Variants in CYBA observed in about 807,000 individuals in gnomAD.
CYBA encodes cytochrome b-245 alpha chain.
In CYBA, 21 loss-of-function variants were observed where a neutral mutation model predicts 20.8. The observed-to-expected ratio is 1.01, with a 90% CI of 0.72 to 1.46. The LOEUF is 1.46. Ranked by LOEUF, CYBA falls within the 40% of genes most tolerant of loss-of-function variation. CYBA has a pLI of 0.00. For missense variants in CYBA, 344 were observed against 287.0 expected, an observed-to-expected ratio of 1.20 and a Z score of -1.43; for synonymous variants, 164 against 127.5, an observed-to-expected ratio of 1.29 and a Z score of -1.93.
At chr16:88,647,039 C>G in intron 3 of CYBA, 62 bp downstream of exon 3, 2 of 1,487,062 alleles carry the variant, frequency 1.3e-6, no homozygotes, top group Non-Finnish European at 1.8e-6. Flanking sequence ...TCCACCCAAC[C>G]CTGTGAGCCC....
In CYBA at chr16:88,647,996, C is replaced by CT. The variant is rs1555541548; in HGVS notation, c.128+48dup. 3 of 1,557,174 alleles carry CT rather than the reference C, an allele frequency of 1.9e-6. No individual in the cohort carries two copies. The African/African-American group carries it at 4.1e-5, about 21-fold the overall frequency. On this transcript the variant is annotated intron_variant, in intron 2 of 5. Coordinates refer to ENST00000261623, the MANE Select transcript of CYBA (RefSeq NM_000101.4). ...AGCTCACTGTGAAGTGGCTCCCCAG[C>CT]TCTGCCCTGGGCGTTCCCCGCCCAC...
Position 88,643,619 on chromosome 16 carries a change from T to TCCCTCCCTCCCC in CYBA, c.370-49_370-48insGGGGAGGGAGGG. ...GCCGCGCCCCAGCGCCCGCCCTCCC[T>TCCCTCCCTCCCC]CCCTCCCTCCCTCCCCGGAGGCCCA... On this transcript the variant is annotated intron_variant, in intron 5 of 5. Coordinates refer to ENST00000261623, the MANE Select transcript of CYBA (RefSeq NM_000101.4). This position sits in a 1 kb window ranked among gnomAD's most constrained non-coding sequence, Gnocchi z 4.3. 1 of 1,068,362 alleles carries TCCCTCCCTCCCC rather than the reference T, an allele frequency of 9.4e-7. No homozygotes were observed. Among genetic ancestry groups the TCCCTCCCTCCCC allele is most frequent in the Non-Finnish European group, 1.1e-6 (1 of 876,780 alleles). 66.2% of individuals were successfully genotyped at this position (1,068,362 alleles called of 1,614,324 possible).
chr16:88,646,801 C>G lies in CYBA; in HGVS notation c.241G>C (p.Gly81Arg), dbSNP rs754773481. The change falls in exon 4 of 6, where the codon GGG becomes CGG. Residue 81 changes from glycine (G) to arginine (R), a missense_variant. Coordinates refer to ENST00000261623, the MANE Select transcript of CYBA (RefSeq NM_000101.4). ...ACATAGTAATTCCTGGTAAAGGGCC[C>G]GAACAGCTTCACCACGGCGGTCATG... The part of the protein sequence containing the change: ...KYMTAVVKLF[G>R]PFTRNYYVRA... 1.2e-5 allele frequency: 20 copies of G among 1,613,840 alleles called. No homozygotes were observed. Among genetic ancestry groups the G allele is most frequent in the Middle Eastern group, 3.3e-4 (2 of 6,084 alleles).
At position 88,643,561 on chromosome 16, in the gene CYBA, C is replaced by A. The variant is rs755779683; in HGVS notation, c.380G>T (p.Arg127Leu). The A allele has an allele frequency of 2.6e-6, 4 of 1,533,086 alleles. No individual in the cohort carries two copies. The highest frequency in any genetic ancestry group is 3.5e-6 in the Non-Finnish European group (4 of 1,145,812). 95.0% of individuals were successfully genotyped at this position (1,533,086 alleles called of 1,614,324 possible). ...ASGIYLLAAV[R>L]GEQWTPIEPK... ...CTCGATGGGCGTCCACTGCTCGCCA[C>A]GCACAGCCGCCTGCGGGGCACTGAA... Residue 127 changes from arginine to leucine, a missense_variant, in exon 6 of 6, where the codon CGT (arginine) becomes CTT (leucine). By Grantham distance (102) the Arg-to-Leu change is moderately radical (BLOSUM62 -2). Transcript: ENST00000261623. This position sits in a 1 kb window ranked among gnomAD's most constrained non-coding sequence, Gnocchi z 4.3.
intron 4 of CYBA, 29 bp from the exon 5 acceptor site, chr16:88,646,226 C>G: frequency 8.3e-7 from 1 of 1,209,248 alleles, no homozygotes. Flanking sequence ...GAGGCAGGGA[C>G]ACAGAAGGGC....
chr16:88,649,115 T>A (rs1907406299), intron 1 of CYBA, among the ~76,000 whole-genome samples: 1 of 151,536 alleles, frequency 6.6e-6, no homozygotes, highest in Non-Finnish European at 1.5e-5. Context: ...TTTTTTGTAT[T>A]TTTAGTAGAG....
At chr16:88,647,466 G>A (rs1414253208) in intron 2 of CYBA, among the ~76,000 whole-genome samples, 2 of 152,236 alleles carry the variant, frequency 1.3e-5, no homozygotes, top group Non-Finnish European at 2.9e-5. Flanking sequence ...CTGAGCCCAG[G>A]TGGAGGCTGC....
At chr16:88,646,542 G>A (rs1250899235) in intron 4 of CYBA, 2 of 701,616 alleles carry the variant, frequency 2.9e-6, no homozygotes, top group South Asian at 3.0e-5. Context: ...CGACGGATCG[G>A]AGCTCCTCGG....
At chr16:88,644,263 A>G (rs927402656) in intron 5 of CYBA, among the ~76,000 whole-genome samples, 1 of 152,244 alleles carries the variant, frequency 6.6e-6, no homozygotes, top group Non-Finnish European at 1.5e-5. Flanking sequence ...TCCAAAACGG[A>G]AACATTCCAT....
intron 4 of CYBA, 134 bp from the exon 5 acceptor site, chr16:88,646,331 G>A (rs72558342): frequency 1.5e-5 from 10 of 685,722 alleles, no homozygotes; most frequent in Middle Eastern, 5.3e-4. Flanking sequence ...TGCGCGGACC[G>A]GGGCTTGTTT....
rs1597370593 is a variant in CYBA, at chr16:88,643,437, G to T, written c.504C>A (p.Ser168Arg). The change falls in exon 6 of 6, where the codon AGC becomes AGA. Residue 168 changes from serine (S) to arginine (R), a missense_variant. By Grantham distance (110) the Ser-to-Arg change is moderately radical. Coordinates refer to ENST00000261623, the MANE Select transcript of CYBA (RefSeq NM_000101.4). The surrounding 1 kb of genome is among the most constrained non-coding windows in gnomAD (Gnocchi z 4.3). ...CCGCCGCCACCGCAGCCTCCTCCTC[G>T]CTGGGCTTCTTGCGGGCCTCGGCCG... ...RPPAEARKKPSEEEAAVAAGG... is the reference protein window; with the variant it reads ...RPPAEARKKPREEEAAVAAGG... 1 of 1,535,516 alleles carries T rather than the reference G, an allele frequency of 6.5e-7. No homozygotes were observed. Among genetic ancestry groups the T allele is most frequent in the Admixed American group, 2.0e-5 (1 of 50,652 alleles).
chr16:88,648,095 G>A lies in CYBA; in HGVS notation c.78C>T (p.Ile26=), dbSNP rs759139349. The A allele has an allele frequency of 9.9e-6, 16 of 1,612,646 alleles. No homozygotes were observed. In the Admixed American group the frequency reaches 2.0e-4, roughly 20 times the overall value. ...ASGLILITGG[I]VATAGRFTQW... is the part of the protein sequence containing the mutation. ...GGGTGAAGCGCCCAGCTGTGGCCAC[G>A]ATGCCCCCGGTGATGAGGACTGCGG... Residue 26 remains isoleucine (I), a synonymous_variant, in exon 2 of 6, where the codon ATC becomes ATT. Transcript: ENST00000261623.
chr16:88,649,046 T>C (rs1206465308), intron 1 of CYBA, among the ~76,000 whole-genome samples: 2 of 151,412 alleles, frequency 1.3e-5, no homozygotes, highest in Non-Finnish European at 2.9e-5. Context: ...GAAGCGATTC[T>C]CCTGCCTCAG....
At position 88,648,069 on chromosome 16, in the gene CYBA, T is replaced by G; in HGVS notation, c.104A>C (p.Gln35Pro). 6.2e-7 allele frequency: 1 copy of G among 1,613,110 alleles called. No homozygotes were observed. Residue 35 changes from glutamine to proline, a missense_variant, in exon 2 of 6, where the codon CAG (glutamine) becomes CCG (proline). Gln to Pro is a moderately conservative substitution (Grantham distance 76). Coordinates refer to ENST00000261623, the MANE Select transcript of CYBA (RefSeq NM_000101.4). ...GIVATAGRFTQWYFGAYSIVA... is the reference protein window; with the variant it reads ...GIVATAGRFTPWYFGAYSIVA... ...CATGGAGTAGGCACCAAAGTACCAC[T>G]GGGTGAAGCGCCCAGCTGTGGCCAC... is the stretch of plus-strand genomic sequence containing the variant.
At chr16:88,645,586 C>T in intron 5 of CYBA, 1 of 618,166 alleles carries the variant, frequency 1.6e-6, no homozygotes. Flanking sequence ...TGTCCTCCCA[C>T]CCATCCCTGG....
intron 1 of CYBA, among the ~76,000 whole-genome samples, chr16:88,648,910 C>T (rs576570566): frequency 4.9e-5 from 7 of 141,524 alleles, no homozygotes; most frequent in Admixed American, 7.2e-5. Context: ...TGAGCCACGG[C>T]GCCTGGTCCT....
Position 88,648,464 on chromosome 16 carries a change from G to A in CYBA, c.59-350C>T, listed in dbSNP as rs114328786. 2.3e-3 allele frequency among the ~76,000 whole-genome samples: 345 copies of A among 152,296 alleles called. 1 individual carries two copies. Among genetic ancestry groups the A allele is most frequent in the African/African-American group, 7.8e-3 (326 of 41,564 alleles). ...TTGATGCACTGAAAGCTAACAGGCC[G>A]AGTGTGGTTTCTGCATCTTCTTGGG... On this transcript the variant is annotated intron_variant, in intron 1 of 5. Transcript: ENST00000261623.
chr16:88,649,828 A>T (rs1907438153), intron 1 of CYBA, among the ~76,000 whole-genome samples: 1 of 152,216 alleles, frequency 6.6e-6, no homozygotes, highest in Admixed American at 6.5e-5. Context: ...GCAGGAGGCC[A>T]GACTAGAGCC....
In CYBA at chr16:88,650,980, C is replaced by T; in HGVS notation, c.34G>A (p.Glu12Lys). The change falls in exon 1 of 6, where the codon GAA becomes AAA. Residue 12 changes from glutamate (E) to lysine (K), a missense_variant. Glu to Lys is a moderately conservative substitution (Grantham distance 56). Transcript: ENST00000261623. Reference sequence around the variant, plus strand: ...CTCAGGCCGGACGCCAGCGCCTGTTCGTTGGCCCACATGGCCCACTCGATC... The same window carrying T: ...CTCAGGCCGGACGCCAGCGCCTGTTTGTTGGCCCACATGGCCCACTCGATC... ...GQIEWAMWAN[E>K]QALASGLILI... The T allele has an allele frequency of 3.1e-6, 5 of 1,596,690 alleles. No homozygotes were observed. The highest frequency in any genetic ancestry group is 4.3e-6 in the Non-Finnish European group (5 of 1,173,030).
Sources: allele counts gnomAD v4.1 joint callset (sites outside exome capture counted in the v4.1 genomes callset), GRCh38; gene constraint gnomAD v4.1.1; non-coding constraint Gnocchi (gnomAD v3.1); transcripts MANE v1.5; gene names NCBI Gene and HGNC (gene_info 2026-07-23, HGNC 2026-07-21).